B4GALT1: variants seen among roughly 807,000 people sequenced by gnomAD.
B4GALT1 encodes N-acetyllactosamine synthase.
A neutral mutation model predicts 34.9 loss-of-function variants in B4GALT1; 16 were observed. The observed-to-expected ratio is 0.46, with a 90% CI of 0.31 to 0.70. The LOEUF (loss-of-function observed/expected upper bound fraction) is 0.70, where lower values mean the gene tolerates loss of function less well. B4GALT1 is among the 30% of genes least tolerant of loss of function. B4GALT1 has a pLI of 0.05. For missense variants in B4GALT1, 445 were observed against 530.5 expected (o/e 0.84, Z 1.58); for synonymous variants, 221 against 218.1 (o/e 1.01, Z -0.12).
intron 3 of B4GALT1, among the ~76,000 whole-genome samples, chr9:33,116,878 T>C (rs1839948025): frequency 6.6e-6 from 1 of 152,226 alleles, no homozygotes; most frequent in African/African-American, 2.4e-5. Context: ...ACAAGGGTTT[T>C]GTCTGTTTTG....
chr9:33,146,144 T>C (rs1305397364), intron 1 of B4GALT1, among the ~76,000 whole-genome samples: 1 of 152,228 alleles, frequency 6.6e-6, no homozygotes, highest in East Asian at 1.9e-4. Context: ...GTGTTTGGTC[T>C]CTGGAGGAAA....
downstream of B4GALT1, among the ~76,000 whole-genome samples, chr9:33,105,681 T>C (rs1587722592): frequency 6.6e-6 from 1 of 152,244 alleles, no homozygotes; most frequent in Middle Eastern, 3.4e-3. Context: ...TCTCTGTGAG[T>C]TTGACTATTT....
At chr9:33,115,690 C>T (rs957635085) in intron 4 of B4GALT1, among the ~76,000 whole-genome samples, 4 of 152,184 alleles carry the variant, frequency 2.6e-5, no homozygotes. Context: ...GGGATTTTTA[C>T]AAAGGACATT....
chr9:33,127,253 A>G (rs10758190), intron 2 of B4GALT1, among the ~76,000 whole-genome samples: 149,230 of 152,260 alleles, frequency 0.98, 73,176 homozygotes, highest in East Asian at 1. Context: ...GTGAGCCACC[A>G]CGCCCAGCCA....
chr9:33,175,099 G>A, the B4GALT1 span, among the ~76,000 whole-genome samples: 1 of 141,068 alleles, frequency 7.1e-6, no homozygotes, highest in African/African-American at 2.6e-5. Context: ...GCTGCTTGAG[G>A]CCAGAAGTTT....
chr9:33,131,462 T>C (rs1470566016), intron 2 of B4GALT1, among the ~76,000 whole-genome samples: 2 of 152,226 alleles, frequency 1.3e-5, no homozygotes, highest in Non-Finnish European at 2.9e-5. Context: ...TTGTGTAGCA[T>C]TTCAATGGGG....
chr9:33,108,577 T>A (rs1041779296), downstream of B4GALT1: 2 of 152,148 alleles, frequency 1.3e-5, no homozygotes, highest in African/African-American at 4.8e-5. Context: ...TGACCTCTCA[T>A]AGGCATATGT....
At chr9:33,125,123 C>T (rs1407787067) in intron 2 of B4GALT1, among the ~76,000 whole-genome samples, 1 of 152,154 alleles carries the variant, frequency 6.6e-6, no homozygotes, top group African/African-American at 2.4e-5. Context: ...TATAAAATCC[C>T]CAAATGATTG....
At chr9:33,141,185 T>C (rs1840343768) in intron 1 of B4GALT1, among the ~76,000 whole-genome samples, 1 of 151,318 alleles carries the variant, frequency 6.6e-6, no homozygotes, top group Non-Finnish European at 1.5e-5. Flanking sequence ...GGTAGGGGAG[T>C]GGGCGGCAGG....
chr9:33,142,764 G>C (rs996534940), intron 1 of B4GALT1, among the ~76,000 whole-genome samples: 1 of 152,098 alleles, frequency 6.6e-6, no homozygotes, highest in Admixed American at 6.5e-5. Flanking sequence ...CCAGCTAAGT[G>C]AGAAACATTT....
chr9:33,135,973 T>C (rs1313896645), intron 1 of B4GALT1, among the ~76,000 whole-genome samples: 1 of 144,952 alleles, frequency 6.9e-6, no homozygotes, highest in Non-Finnish European at 1.5e-5. Flanking sequence ...TGGAGGGAGT[T>C]AGCTTCGAAG....
chr9:33,116,074 T>C lies in B4GALT1; in HGVS notation c.876A>G (p.Leu292=), dbSNP rs1839933437. 1.2e-6 allele frequency: 2 copies of C among 1,613,638 alleles called. No individual in the cohort carries two copies. The highest frequency in any genetic ancestry group is 1.7e-6 in the Non-Finnish European group (2 of 1,179,674). Residue 292 remains leucine, a synonymous_variant, in exon 4 of 6, where the codon CTA becomes CTG. Transcript: ENST00000379731. Reference sequence around the variant, plus strand: ...TGATGGTTAGAAACTGTTGTTTACTTAGAGCAGAGACACCTCCAAAATACT... The same window carrying C: ...TGATGGTTAGAAACTGTTGTTTACTCAGAGCAGAGACACCTCCAAAATACT... ...YVQYFGGVSA[L]SKQQFLTING... is the part of the protein sequence containing the mutation.
At chr9:33,143,468 G>T (rs565925321) in intron 1 of B4GALT1, among the ~76,000 whole-genome samples, 2 of 152,224 alleles carry the variant, frequency 1.3e-5, no homozygotes, top group African/African-American at 4.8e-5. Flanking sequence ...AGTTGCTTTC[G>T]CAATGCTGGT....
exon 3 of B4GALT1, chr9:33,104,333 CT>C (rs1312957316): frequency 1.9e-5 from 3 of 155,304 alleles, no homozygotes; most frequent in African/African-American, 7.2e-5. Flanking sequence ...TCTAAAAAGC[CT>C]CCAGCTCAGC....
chr9:33,150,484 A>T (rs894945144), intron 1 of B4GALT1, among the ~76,000 whole-genome samples: 13 of 152,116 alleles, frequency 8.5e-5, no homozygotes, highest in South Asian at 2.1e-4. Context: ...ACATATGTTT[A>T]AAAAAATGTA....
chr9:33,135,602 G>T (rs937613554), intron 1 of B4GALT1, among the ~76,000 whole-genome samples, 178 bp from the exon 2 acceptor site: 2 of 152,132 alleles, frequency 1.3e-5, no homozygotes, highest in African/African-American at 4.8e-5. Context: ...CCAGCATTAG[G>T]GTGACCAACC....
intron 1 of B4GALT1, among the ~76,000 whole-genome samples, chr9:33,164,139 G>C (rs1840715002): frequency 6.6e-6 from 1 of 152,208 alleles, no homozygotes; most frequent in Admixed American, 6.5e-5. Context: ...AGGAATCTCA[G>C]CATCTGGCCC....
At chr9:33,158,656 A>G (rs1288974432) in intron 1 of B4GALT1, among the ~76,000 whole-genome samples, 2 of 152,188 alleles carry the variant, frequency 1.3e-5, no homozygotes, top group Admixed American at 6.5e-5. Context: ...CAGAGATGCT[A>G]AAATCAACGT....
chr9:33,137,824 C>T (rs907799389), intron 1 of B4GALT1, among the ~76,000 whole-genome samples: 1 of 152,160 alleles, frequency 6.6e-6, no homozygotes, highest in African/African-American at 2.4e-5. Flanking sequence ...CCATTCACAC[C>T]CTTCCCCACA....
Sources: allele counts gnomAD v4.1 joint callset (sites outside exome capture counted in the v4.1 genomes callset), GRCh38; gene constraint gnomAD v4.1.1; transcripts MANE v1.5; gene names NCBI Gene and HGNC (gene_info 2026-07-23, HGNC 2026-07-21).